Variants in ADAM7 observed in about 807,000 individuals in gnomAD.
ADAM7 encodes ADAM metallopeptidase domain 7, also known as disintegrin and metalloproteinase domain-containing protein 7.
Under a neutral mutation model 102.9 loss-of-function variants are expected in ADAM7, and 97 were observed. The ratio of observed to expected loss-of-function variants is 0.94; its 90% CI spans 0.80 to 1.12. The LOEUF is 1.12. Ranked by LOEUF, ADAM7 falls within the 50% of genes most tolerant of loss-of-function variation. The pLI, the probability that ADAM7 is intolerant of heterozygous loss-of-function variation, is 0.00. For missense variants in ADAM7, 991 were observed against 908.7 expected (o/e 1.09, Z -1.16); for synonymous variants, 334 against 304.4 (o/e 1.10, Z -1.01).
chr8:24,480,362 C>T (rs1819908470), intron 8 of ADAM7, among the ~76,000 whole-genome samples: 1 of 152,140 alleles, frequency 6.6e-6, no homozygotes, highest in South Asian at 2.1e-4. Context: ...TCCCTTCTTA[C>T]TGGCCCTTTA....
chr8:24,508,985 A>T lies in ADAM7; in HGVS notation c.*439A>T. The T allele has an allele frequency of 1.0e-6, 1 of 996,772 alleles. No individual in the cohort carries two copies. The highest frequency in any genetic ancestry group is 4.6e-5 in the South Asian group (1 of 21,926). The allele number at this position is 996,772 out of a possible 1,614,324, so 61.7% of individuals were successfully genotyped here. ...CTTGAACATGACATCATTAGCACTA[A>T]TTCTGGTTTAAATGAAAGTCCTGCA... On this transcript the variant is annotated 3_prime_UTR_variant, in exon 22 of 22. Transcript: ENST00000175238.
chr8:24,449,926 T>C (rs574873167), intron 3 of ADAM7, among the ~76,000 whole-genome samples: 1,654 of 152,328 alleles, frequency 0.011, 26 homozygotes, highest in African/African-American at 0.037. Flanking sequence ...CCATTGCTTG[T>C]TTTTCTCAGG....
chr8:24,454,499 C>A (rs960957765), intron 3 of ADAM7, among the ~76,000 whole-genome samples: 6 of 152,184 alleles, frequency 3.9e-5, no homozygotes, highest in African/African-American at 1.2e-4. Context: ...TTTTTAAGCC[C>A]GTCGGAAAAG....
At chr8:24,492,703 G>A in intron 15 of ADAM7, 106 bp downstream of exon 15, 1 of 722,412 alleles carries the variant, frequency 1.4e-6, no homozygotes. Context: ...CTGAGACCGG[G>A]AGAAGAGGGA....
intron 8 of ADAM7, among the ~76,000 whole-genome samples, chr8:24,479,095 C>A (rs550412572): frequency 1.3e-5 from 2 of 152,024 alleles, no homozygotes; most frequent in Non-Finnish European, 2.9e-5. Flanking sequence ...CACCTCAGCA[C>A]GTTTATTGAG....
intron 10 of ADAM7, among the ~76,000 whole-genome samples, chr8:24,486,040 CT>C (rs1327535390): frequency 6.6e-6 from 1 of 152,074 alleles, no homozygotes; most frequent in Non-Finnish European, 1.5e-5. Context: ...GTGTGTATAG[CT>C]TTTCCTATGG....
chr8:24,454,705 G>A (rs75471404), intron 3 of ADAM7, among the ~76,000 whole-genome samples: 6,892 of 152,134 alleles, frequency 0.045, 215 homozygotes, highest in African/African-American at 0.059. Flanking sequence ...AGATGAACCC[G>A]GTACCTCAGA....
At chr8:24,469,596 C>T (rs1195050803) in intron 7 of ADAM7, among the ~76,000 whole-genome samples, 1 of 152,032 alleles carries the variant, frequency 6.6e-6, no homozygotes, top group East Asian at 1.9e-4. Flanking sequence ...AAATGAACCA[C>T]ATGAGGAAGA....
chr8:24,454,059 T>C (rs1331004230), intron 3 of ADAM7, among the ~76,000 whole-genome samples: 1 of 152,232 alleles, frequency 6.6e-6, no homozygotes, highest in Non-Finnish European at 1.5e-5. Context: ...AGTCTGCCCC[T>C]ACTGGGGGGT....
At chr8:24,495,758 T>C (rs1456040497) in intron 16 of ADAM7, among the ~76,000 whole-genome samples, 1 of 152,186 alleles carries the variant, frequency 6.6e-6, no homozygotes. Flanking sequence ...GGAAGAAATT[T>C]CTAAGCAGCA....
At chr8:24,476,072 C>A in intron 7 of ADAM7, 1 of 408,318 alleles carries the variant, frequency 2.4e-6, no homozygotes, top group Admixed American at 3.1e-5. Flanking sequence ...ATATAGATTG[C>A]TTTGTAGCTT....
intron 8 of ADAM7, among the ~76,000 whole-genome samples, chr8:24,481,026 C>T (rs533964539): frequency 2.4e-4 from 36 of 152,220 alleles, no homozygotes; most frequent in African/African-American, 8.7e-4. Context: ...TGCACCACTG[C>T]ACTCCAGGCT....
intron 20 of ADAM7, among the ~76,000 whole-genome samples, 190 bp downstream of exon 20, chr8:24,501,766 G>T (rs4510877): frequency 6.6e-6 from 1 of 151,674 alleles, no homozygotes. Context: ...ATTCAAAACA[G>T]ATATGGAACA....
At chr8:24,504,115 T>C (rs986004179) in intron 20 of ADAM7, among the ~76,000 whole-genome samples, 1 of 151,950 alleles carries the variant, frequency 6.6e-6, no homozygotes, top group African/African-American at 2.4e-5. Context: ...CAGCTACAAT[T>C]CTAGCACTTT....
intron 16 of ADAM7, among the ~76,000 whole-genome samples, chr8:24,496,753 T>C (rs1259738640): frequency 1.3e-5 from 2 of 152,226 alleles, no homozygotes; most frequent in East Asian, 1.9e-4. Context: ...ATCCAATGCC[T>C]GTACCCCCAT....
At chr8:24,478,565 AG>A (rs1819846015) in intron 8 of ADAM7, among the ~76,000 whole-genome samples, 1 of 152,156 alleles carries the variant, frequency 6.6e-6, no homozygotes, top group Admixed American at 6.6e-5. Context: ...CCACGTTGAA[AG>A]GGAGGTCATT....
intron 9 of ADAM7, among the ~76,000 whole-genome samples, 172 bp downstream of exon 9, chr8:24,482,483 T>C (rs1203577379): frequency 3.3e-5 from 5 of 152,122 alleles, no homozygotes; most frequent in African/African-American, 1.2e-4. Flanking sequence ...AACCGTAGCA[T>C]ATATCTTTAA....
At chr8:24,450,749 C>T (rs1818751477) in intron 3 of ADAM7, among the ~76,000 whole-genome samples, 1 of 151,766 alleles carries the variant, frequency 6.6e-6, no homozygotes, top group African/African-American at 2.4e-5. Flanking sequence ...GGAATGCTTC[C>T]AGTTTTTGCC....
Position 24,493,215 on chromosome 8 carries a change from T to A in ADAM7, c.1828T>A (p.Cys610Ser). ...TGGCCTGGTGGCGTCAGGAACAAAA[T>A]GTGGAGAGGGAATGGTAAGACAAAA... ...DIGLVASGTK[C>S]GEGMVCNNGE... The change falls in exon 16 of 22, where the codon TGT becomes AGT. Residue 610 changes from cysteine to serine, a missense_variant. Transcript: ENST00000175238. The A allele has an allele frequency of 6.2e-7, 1 of 1,602,496 alleles. No individual in the cohort carries two copies. The highest frequency in any genetic ancestry group is 1.7e-5 in the Admixed American group (1 of 57,764).
Sources: gnomAD v4.1 joint callset for allele counts (sites outside exome capture counted in the v4.1 genomes callset) on GRCh38, gnomAD v4.1.1 for gene constraint, MANE v1.5 for transcripts, NCBI Gene and HGNC (gene_info 2026-07-23, HGNC 2026-07-21) for gene names.